Variants in MSANTD1 observed in about 807,000 individuals in gnomAD.
The protein encoded by MSANTD1 is Myb/SANT DNA binding domain containing 1, also known as myb/SANT-like DNA-binding domain-containing protein 1.
In MSANTD1, 7 loss-of-function variants were observed where a neutral mutation model predicts 24.2. That is an observed-to-expected ratio of 0.29 (90% CI 0.16 to 0.54). MSANTD1 has a LOEUF of 0.54. Among genes scored for constraint, MSANTD1 ranks in the 20% least tolerant of loss-of-function variants. The probability of loss-of-function intolerance (pLI) is 0.94; values close to 1 mark genes in which losing one functional copy is unlikely to be tolerated. For missense variants in MSANTD1, 384 were observed against 408.2 expected (o/e 0.94, Z 0.51); for synonymous variants, 177 against 181.1 (o/e 0.98, Z 0.18).
At chr4:3,246,660 G>C (rs755245268), upstream of MSANTD1, 4 of 697,866 alleles carry the variant, frequency 5.7e-6, no homozygotes, top group Non-Finnish European at 1.0e-5. Flanking sequence ...AGGCCATGCA[G>C]CTTTGCCAAG....
At chr4:3,250,655 GC>G (rs896035147) in intron 1 of MSANTD1, among the ~76,000 whole-genome samples, 1 of 152,204 alleles carries the variant, frequency 6.6e-6, no homozygotes, top group African/African-American at 2.4e-5. Flanking sequence ...GGCCCTGTGG[GC>G]GGCCTGGACA....
At chr4:3,247,164 G>T (rs920451501), upstream of MSANTD1, among the ~76,000 whole-genome samples, 3 of 152,180 alleles carry the variant, frequency 2.0e-5, no homozygotes, top group African/African-American at 7.2e-5. Context: ...CCTCCCCAGG[G>T]TTCTGGGAGG....
chr4:3,255,101 C>G (rs1722345984), intron 2 of MSANTD1, among the ~76,000 whole-genome samples: 2 of 152,242 alleles, frequency 1.3e-5, no homozygotes, highest in Admixed American at 1.3e-4. Flanking sequence ...GCAGGATATG[C>G]CCCTCTGCAG....
At chr4:3,247,615 G>T, upstream of MSANTD1, 1 of 152,536 alleles carries the variant, frequency 6.6e-6, no homozygotes, top group Non-Finnish European at 1.5e-5. Flanking sequence ...TAGGGATGAT[G>T]TCTCCTGAGG....
chr4:3,254,996 C>T (rs1394615185), intron 2 of MSANTD1, among the ~76,000 whole-genome samples: 1 of 152,180 alleles, frequency 6.6e-6, no homozygotes, highest in Non-Finnish European at 1.5e-5. Flanking sequence ...CCACCCCTGC[C>T]TTCATCTCTC....
In MSANTD1 at chr4:3,256,509, C is replaced by G. The variant is rs108850; in HGVS notation, c.*544C>G. ...CTCTGACGCCTGATGAAAACCCCAGCGACCTTCCAGGAGGCTTTTATTCAG... is the reference window on the plus strand; with the variant it reads ...CTCTGACGCCTGATGAAAACCCCAGGGACCTTCCAGGAGGCTTTTATTCAG... On this transcript the variant is annotated 3_prime_UTR_variant, in exon 3 of 3. Coordinates refer to ENST00000438480, the MANE Select transcript of MSANTD1 (RefSeq NM_001042690.2). The G allele has an allele frequency of 0.47, 71,291 of 152,164 alleles. 17,317 individuals carry two copies. The highest frequency in any genetic ancestry group is 0.58 in the African/African-American group (23,922 of 41,438). 9.4% of individuals were successfully genotyped at this position (152,164 alleles called of 1,614,324 possible).
intron 1 of MSANTD1, 97 bp downstream of exon 1, chr4:3,249,639 G>A (rs1722158800): frequency 3.2e-6 from 4 of 1,240,564 alleles, no homozygotes; most frequent in Middle Eastern, 2.0e-4. Context: ...GGGACGATGT[G>A]TGGGTCGTGG....
intron 2 of MSANTD1, among the ~76,000 whole-genome samples, chr4:3,254,236 T>A (rs1457337001): frequency 1.3e-5 from 2 of 152,188 alleles, no homozygotes; most frequent in Non-Finnish European, 2.9e-5. Flanking sequence ...CCTGCCCTGG[T>A]CTTCAAGTCT....
At chr4:3,247,211 T>C (rs548727112), upstream of MSANTD1, among the ~76,000 whole-genome samples, 27 of 152,250 alleles carry the variant, frequency 1.8e-4, no homozygotes, top group African/African-American at 6.3e-4. Context: ...CTGGGTGATA[T>C]AGTCAGATCC....
rs369787044 is a variant in MSANTD1, at chr4:3,255,960, G to A, written c.832G>A (p.Val278Ile). Residue 278 changes from valine (V) to isoleucine (I), a missense_variant, in exon 3 of 3, where the codon GTC (valine) becomes ATC (isoleucine). Physicochemically the swap from Val to Ile is conservative, Grantham distance 29. Transcript: ENST00000438480. ...GGAGAGGATCATCACCAAGTCCAGC[G>A]TCTAGGCCAGCAGGCGGCGGCGGCG... Reference protein sequence around the residue: ...LLERIITKSSV With the variant: ...LLERIITKSSI 1,024 of 1,527,694 alleles carry A rather than the reference G, an allele frequency of 6.7e-4. 20 individuals carry two copies. In the South Asian group the frequency reaches 0.012, roughly 17 times the overall value. 94.6% of individuals were successfully genotyped at this position (1,527,694 alleles called of 1,614,324 possible).
intron 1 of MSANTD1, among the ~76,000 whole-genome samples, chr4:3,252,764 T>C (rs1490284136): frequency 6.6e-6 from 1 of 152,240 alleles, no homozygotes; most frequent in Non-Finnish European, 1.5e-5. Context: ...AACACAGTTA[T>C]TATATTACAA....
rs970778084 is a variant in MSANTD1, at chr4:3,253,344, C to T, written c.458C>T (p.Thr153Met). 15 of 1,610,910 alleles carry T rather than the reference C, an allele frequency of 9.3e-6. No homozygotes were observed. Among genetic ancestry groups the T allele is most frequent in the African/African-American group, 2.7e-5 (2 of 74,948 alleles). ...GACAGCCAGCCGCCGGGGCCCTCCACGTCCCAGACCGAGGCGTCCCTGTCG... is the reference window on the plus strand; with the variant it reads ...GACAGCCAGCCGCCGGGGCCCTCCATGTCCCAGACCGAGGCGTCCCTGTCG... ...LPDSQPPGPS[T>M]SQTEASLSPP... The change falls in exon 2 of 3, where the codon ACG (threonine) becomes ATG (methionine). Residue 153 changes from threonine to methionine, a missense_variant. Coordinates refer to ENST00000438480, the MANE Select transcript of MSANTD1 (RefSeq NM_001042690.2).
At position 3,255,886 on chromosome 4, in the gene MSANTD1, T is replaced by TCCTGCAGGTGCAGAG; in HGVS notation, c.766_780dup (p.Val256_Gln260dup). ...CGCCGCGTGCTGGACCAGCAGCACA[T>TCCTGCAGGTGCAGAG]CCTGCAGGTGCAGAGCCTGCAGCTG... On this transcript the variant is annotated inframe_insertion, in exon 3 of 3. Coordinates refer to ENST00000438480, the MANE Select transcript of MSANTD1 (RefSeq NM_001042690.2). The TCCTGCAGGTGCAGAG allele has an allele frequency of 1.3e-6, 2 of 1,545,810 alleles. No individual in the cohort carries two copies. The highest frequency in any genetic ancestry group is 1.7e-6 in the Non-Finnish European group (2 of 1,146,280).
chr4:3,254,617 G>A lies in MSANTD1; in HGVS notation c.597-1108G>A, dbSNP rs558423618. Among the ~76,000 whole-genome samples the A allele has an allele frequency of 9.2e-5, 14 of 152,344 alleles. 1 individual carries two copies. The highest frequency in any genetic ancestry group is 3.4e-4 in the African/African-American group (14 of 41,580). ...CTGGAGCAGGGCCCTGGGGTCTGTGGGTTTTGGCAGCTCCCTGCCCTTCAG... is the reference window on the plus strand; with the variant it reads ...CTGGAGCAGGGCCCTGGGGTCTGTGAGTTTTGGCAGCTCCCTGCCCTTCAG... On this transcript the variant is annotated intron_variant, in intron 2 of 2. Coordinates refer to ENST00000438480, the MANE Select transcript of MSANTD1 (RefSeq NM_001042690.2).
At chr4:3,246,362 C>T (rs1433196432), upstream of MSANTD1, among the ~76,000 whole-genome samples, 1 of 152,236 alleles carries the variant, frequency 6.6e-6, no homozygotes, top group East Asian at 1.9e-4. Context: ...CCTGCTGCCC[C>T]CACCCTTGGT....
chr4:3,251,241 C>G (rs1352779434), intron 1 of MSANTD1, among the ~76,000 whole-genome samples: 1 of 152,238 alleles, frequency 6.6e-6, no homozygotes, highest in Non-Finnish European at 1.5e-5. Context: ...ACGACTGTTC[C>G]AGCAGGCTCC....
At position 3,249,294 on chromosome 4, in the gene MSANTD1, G is replaced by A. The variant is rs542592894; in HGVS notation, c.72G>A (p.Ala24=). The A allele has an allele frequency of 8.0e-4, 1,217 of 1,530,006 alleles. 14 individuals are homozygous for A. In the South Asian group the frequency reaches 0.013, roughly 17 times the overall value. The allele number at this position is 1,530,006 out of a possible 1,614,324, so 94.8% of individuals were successfully genotyped here. ...LSHPTGASGM[A]AAEGPGYLVS... Reference sequence around the variant, plus strand: ...ACCCCACAGGCGCCTCCGGCATGGCGGCGGCCGAGGGGCCCGGCTACCTCG... The same window carrying A: ...ACCCCACAGGCGCCTCCGGCATGGCAGCGGCCGAGGGGCCCGGCTACCTCG... The change falls in exon 1 of 3, where the codon GCG becomes GCA. Residue 24 remains alanine, a synonymous_variant. Transcript: ENST00000438480.
Position 3,253,410 on chromosome 4 carries a change from A to G in MSANTD1, c.524A>G (p.Gln175Arg), listed in dbSNP as rs190083654. 18 of 1,599,816 alleles carry G rather than the reference A, an allele frequency of 1.1e-5. No individual in the cohort carries two copies. In the East Asian group the frequency reaches 3.9e-4, roughly 34 times the overall value. Reference protein sequence around the residue: ...KSTPLYFPYNQCSYEGRFEDD... With the variant: ...KSTPLYFPYNRCSYEGRFEDD... The stretch of plus-strand genomic sequence containing the variant: ...ACCCCTCTGTACTTCCCGTATAACC[A>G]GTGCTCCTACGAAGGCCGCTTCGAG... The change falls in exon 2 of 3, where the codon CAG becomes CGG. Residue 175 changes from glutamine (Q) to arginine (R), a missense_variant. Coordinates refer to ENST00000438480, the MANE Select transcript of MSANTD1 (RefSeq NM_001042690.2).
rs561572367 is a variant in MSANTD1 at position 3,253,318 on chromosome 4, G to A, written c.432G>A (p.Pro144=). The A allele has an allele frequency of 1.9e-5, 30 of 1,610,032 alleles. No individual in the cohort carries two copies. Among genetic ancestry groups the A allele is most frequent in the East Asian group, 4.5e-5 (2 of 44,798 alleles). Residue 144 remains proline, a synonymous_variant, in exon 2 of 3, where the codon CCG becomes CCA. Transcript: ENST00000438480. ...KVPESCDGKL[P]DSQPPGPSTS... ...CCGAGTCCTGTGATGGCAAACTGCC[G>A]GACAGCCAGCCGCCGGGGCCCTCCA...
Sources: gnomAD v4.1 joint callset for allele counts (sites outside exome capture counted in the v4.1 genomes callset) on GRCh38, gnomAD v4.1.1 for gene constraint, MANE v1.5 for transcripts, NCBI Gene and HGNC (gene_info 2026-07-23, HGNC 2026-07-21) for gene names.